The following DCDC1 variants were observed in gnomAD, a reference collection of about 807,000 sequenced individuals.
DCDC1 encodes doublecortin domain containing 1, also known as doublecortin domain-containing protein 1.
DCDC1 carries 200 observed loss-of-function variants against 178.3 expected under a neutral mutation model. That is an observed-to-expected ratio of 1.12 (90% CI 1.00 to 1.26). DCDC1 has a LOEUF of 1.26. Ranked by LOEUF, DCDC1 falls within the 50% of genes most tolerant of loss-of-function variation. The pLI is 0.00. For synonymous variants in DCDC1, 690 were observed against 604.8 expected, an observed-to-expected ratio of 1.14 and a Z score of -2.07; for missense variants, 1,983 against 1,749.2, an observed-to-expected ratio of 1.13 and a Z score of -2.38.
At chr11:30,960,900 A>G (rs1415056314) in intron 20 of DCDC1, among the ~76,000 whole-genome samples, 1 of 152,232 alleles carries the variant, frequency 6.6e-6, no homozygotes, top group East Asian at 1.9e-4. Flanking sequence ...ATGATACTTC[A>G]TGAGTATCTA....
chr11:31,284,702 G>A (rs958823147), intron 7 of DCDC1, among the ~76,000 whole-genome samples: 4 of 151,056 alleles, frequency 2.6e-5, no homozygotes, highest in African/African-American at 4.9e-5. Flanking sequence ...GCAGTGGCAC[G>A]ATCTTGGCTC....
At chr11:30,913,411 AAAAC>A (rs1043033216) in intron 27 of DCDC1, among the ~76,000 whole-genome samples, 2 of 152,050 alleles carry the variant, frequency 1.3e-5, no homozygotes, top group African/African-American at 2.4e-5. Flanking sequence ...TCTCAAAAAA[AAAAC>A]AAACAAAAAA....
At chr11:31,296,671 T>C (rs1231755290) in intron 6 of DCDC1, among the ~76,000 whole-genome samples, 1 of 152,198 alleles carries the variant, frequency 6.6e-6, no homozygotes, top group African/African-American at 2.4e-5. Context: ...AGAGGTTTAA[T>C]TGACTTACAG....
chr11:30,934,004 G>A (rs1947105338), intron 21 of DCDC1, among the ~76,000 whole-genome samples: 1 of 152,156 alleles, frequency 6.6e-6, no homozygotes, highest in Non-Finnish European at 1.5e-5. Context: ...TTTTCTGCTA[G>A]TATCATGTCT....
intron 20 of DCDC1, among the ~76,000 whole-genome samples, chr11:31,009,049 ATAG>A (rs1158414201): frequency 3.3e-5 from 5 of 152,206 alleles, no homozygotes; most frequent in Admixed American, 2.0e-4. Context: ...CACTACTGCA[ATAG>A]TAGATTTCAG....
At chr11:31,163,845 AATAAG>A (rs1391213041) in intron 9 of DCDC1, among the ~76,000 whole-genome samples, 10 of 152,212 alleles carry the variant, frequency 6.6e-5, no homozygotes, top group Admixed American at 3.3e-4. Flanking sequence ...TGGTCAGAAG[AATAAG>A]AATTCTCCTA....
At chr11:31,170,283 G>A (rs961839206) in intron 9 of DCDC1, among the ~76,000 whole-genome samples, 1 of 152,116 alleles carries the variant, frequency 6.6e-6, no homozygotes, top group African/African-American at 2.4e-5. Flanking sequence ...CACTCTTCTT[G>A]GGTCCAAGTC....
intron 1 of DCDC1, among the ~76,000 whole-genome samples, chr11:31,343,493 G>C (rs1221704202): frequency 6.6e-6 from 1 of 152,096 alleles, no homozygotes; most frequent in Admixed American, 6.5e-5. Flanking sequence ...TTTTAGTAGA[G>C]ATGGGGTTTC....
chr11:31,162,324 G>T (rs952930730), intron 9 of DCDC1, among the ~76,000 whole-genome samples: 1 of 152,084 alleles, frequency 6.6e-6, no homozygotes, highest in Non-Finnish European at 1.5e-5. Context: ...TGATTTGCTT[G>T]GAGTTTAATC....
chr11:30,913,748 G>GT (rs913053492), intron 27 of DCDC1, among the ~76,000 whole-genome samples: 3 of 152,196 alleles, frequency 2.0e-5, no homozygotes, highest in African/African-American at 7.2e-5. Flanking sequence ...ATCTCATAGA[G>GT]TTTTAGGCAG....
intron 20 of DCDC1, among the ~76,000 whole-genome samples, chr11:31,049,210 C>G (rs1172708306): frequency 6.6e-6 from 1 of 152,056 alleles, no homozygotes; most frequent in Non-Finnish European, 1.5e-5. Context: ...GTTATATAAG[C>G]TTTATAAAAT....
At chr11:31,013,584 T>A (rs983072535) in intron 20 of DCDC1, among the ~76,000 whole-genome samples, 13 of 152,194 alleles carry the variant, frequency 8.5e-5, no homozygotes, top group Non-Finnish European at 1.3e-4. Context: ...CTCTTTCATA[T>A]ATACAGTAGA....
intron 7 of DCDC1, among the ~76,000 whole-genome samples, chr11:31,287,790 G>A (rs1591648405): frequency 6.6e-6 from 1 of 151,926 alleles, no homozygotes; most frequent in African/African-American, 2.4e-5. Context: ...GGGAATCAGG[G>A]AAAAGAAATC....
chr11:31,245,203 T>C (rs1943464336), intron 8 of DCDC1, among the ~76,000 whole-genome samples: 1 of 151,604 alleles, frequency 6.6e-6, no homozygotes, highest in African/African-American at 2.4e-5. Context: ...CTCTCTCTTT[T>C]TTTTTTTCTT....
intron 7 of DCDC1, among the ~76,000 whole-genome samples, chr11:31,270,011 A>G (rs1442964746): frequency 1.3e-5 from 2 of 152,182 alleles, no homozygotes; most frequent in African/African-American, 4.8e-5. Flanking sequence ...AGTTCTCCTC[A>G]GACAGAGAAC....
At chr11:31,040,580 A>C (rs1484359028) in intron 20 of DCDC1, among the ~76,000 whole-genome samples, 1 of 152,228 alleles carries the variant, frequency 6.6e-6, no homozygotes, top group Admixed American at 6.5e-5. Flanking sequence ...TGATAGCCAT[A>C]AAAGGTTCAA....
intron 8 of DCDC1, among the ~76,000 whole-genome samples, chr11:31,243,495 G>A (rs990008910): frequency 1.3e-5 from 2 of 151,606 alleles, no homozygotes; most frequent in Non-Finnish European, 3.0e-5. Context: ...ATTTAAACAT[G>A]AGAAAATTTT....
intron 18 of DCDC1, among the ~76,000 whole-genome samples, chr11:31,071,216 T>A (rs1211176056): frequency 6.6e-6 from 1 of 152,164 alleles, no homozygotes; most frequent in Non-Finnish European, 1.5e-5. Flanking sequence ...TATTCTCCAT[T>A]ATTTGTGATG....
intron 9 of DCDC1, among the ~76,000 whole-genome samples, chr11:31,173,599 A>C (rs979335493): frequency 2.0e-5 from 3 of 152,134 alleles, no homozygotes; most frequent in Admixed American, 2.0e-4. Context: ...AGTAAACAAA[A>C]ATTTAGGTTA....
Sources: gnomAD v4.1 joint callset for allele counts (sites outside exome capture counted in the v4.1 genomes callset) on GRCh38, gnomAD v4.1.1 for gene constraint, MANE v1.5 for transcripts, NCBI Gene and HGNC (gene_info 2026-07-23, HGNC 2026-07-21) for gene names.